HEPH: variants seen among roughly 807,000 people sequenced by gnomAD.
HEPH encodes hephaestin.
A neutral mutation model predicts 80.8 loss-of-function variants in HEPH; 69 were observed. That is an observed-to-expected ratio of 0.85 (90% confidence interval 0.70 to 1.04). The LOEUF (loss-of-function observed/expected upper bound fraction) is 1.04. Among genes scored for constraint, HEPH ranks in the 50% least tolerant of loss-of-function variants. The pLI, the probability that HEPH is intolerant of heterozygous loss-of-function variation, is 0.00. For missense variants in HEPH, 1,115 were observed against 891.3 expected, an observed-to-expected ratio of 1.25 and a Z score of -3.20; for synonymous variants, 431 against 322.8, an observed-to-expected ratio of 1.34 and a Z score of -3.60.
rs140815657 is a variant in HEPH, at chrX:66,219,291, G to A, written c.2563+11045G>A. On this transcript the variant is annotated intron_variant, in intron 15 of 20. Coordinates refer to ENST00000343002, the MANE Select transcript of HEPH (RefSeq NM_001367233.3). ...ACTTTCCAAACATGGCCCCAGGATC[G>A]AATCCATGCCACACTTGCACGGGCA... 2.1e-3 allele frequency among the ~76,000 whole-genome samples: 236 copies of A among 111,768 alleles called. 1 individual carries two copies. Among genetic ancestry groups the A allele is most frequent in the Non-Finnish European group, 3.0e-3 (160 of 53,102 alleles).
Position 66,205,006 on chromosome X carries a change from A to C in HEPH, c.2291+1429A>C, listed in dbSNP as rs1272988270. ...GTGCAATGCTACATTTTAGAATATA[A>C]ATGATCCTGTCATCCAGGTAGTGAG... On this transcript the variant is annotated intron_variant, in intron 13 of 20. Transcript: ENST00000343002. Among the ~76,000 whole-genome samples the C allele has an allele frequency of 2.7e-5, 3 of 111,838 alleles. No individual in the cohort carries two copies. In the East Asian group the frequency reaches 8.4e-4, roughly 31 times the overall value.
At chrX:66,256,439 G>T in intron 17 of HEPH, 109 bp downstream of exon 17, 1 of 533,105 alleles carries the variant, frequency 1.9e-6, no homozygotes. Context: ...GAGAGGACAC[G>T]AACATGGGAA....
intron 13 of HEPH, 109 bp from the exon 14 acceptor site, chrX:66,207,086 T>C: frequency 1.7e-6 from 1 of 601,472 alleles, no homozygotes; most frequent in Non-Finnish European, 2.4e-6. Context: ...CCCTTTTTTT[T>C]TTCTGTCTGT....
chrX:66,187,425 A>G (rs183485605), intron 4 of HEPH, among the ~76,000 whole-genome samples: 1 of 110,963 alleles, frequency 9.0e-6, no homozygotes, highest in East Asian at 2.8e-4. Context: ...TGTTCTTCAG[A>G]TTCTTTTGTC....
intron 15 of HEPH, among the ~76,000 whole-genome samples, chrX:66,244,170 A>G (rs2090714983): frequency 9.0e-6 from 1 of 111,572 alleles, no homozygotes; most frequent in Admixed American, 9.5e-5. Flanking sequence ...GTCATCTTGT[A>G]TAGTATCTTT....
intron 20 of HEPH, 113 bp downstream of exon 20, chrX:66,263,801 A>C: frequency 1.5e-6 from 1 of 686,418 alleles, no homozygotes; most frequent in Non-Finnish European, 2.2e-6. Context: ...AGAATACATC[A>C]GCAGAAAGTA....
At chrX:66,243,187 A>G (rs1299925520) in intron 15 of HEPH, among the ~76,000 whole-genome samples, 1 of 112,013 alleles carries the variant, frequency 8.9e-6, no homozygotes, top group Admixed American at 9.4e-5. Context: ...AGAAACATAG[A>G]TGGAACTGGA....
intron 1 of HEPH, among the ~76,000 whole-genome samples, chrX:66,167,498 G>C (rs1345009266): frequency 2.7e-5 from 3 of 112,221 alleles, no homozygotes; most frequent in African/African-American, 9.7e-5. Flanking sequence ...TGAGTTCAAG[G>C]CACAACTGCT....
chrX:66,241,514 G>C (rs766259227), intron 15 of HEPH, among the ~76,000 whole-genome samples: 22 of 111,144 alleles, frequency 2.0e-4, no homozygotes, highest in Admixed American at 4.8e-4. Flanking sequence ...GGCCAAACAG[G>C]GGTACTATAT....
At chrX:66,207,101 T>A in intron 13 of HEPH, 94 bp from the exon 14 acceptor site, 2 of 715,663 alleles carry the variant, frequency 2.8e-6, no homozygotes, top group East Asian at 4.5e-5. Flanking sequence ...GTCTGTGACA[T>A]GAAGCTGGTT....
intron 12 of HEPH, among the ~76,000 whole-genome samples, chrX:66,201,607 C>G (rs1229523586): frequency 9.0e-6 from 1 of 111,574 alleles, no homozygotes; most frequent in African/African-American, 3.3e-5. Context: ...TAAGAACAAC[C>G]TGTCAGCTCC....
intron 15 of HEPH, among the ~76,000 whole-genome samples, chrX:66,228,504 A>G (rs1320303827): frequency 8.8e-6 from 1 of 113,019 alleles, no homozygotes; most frequent in Non-Finnish European, 1.9e-5. Context: ...CCCAAAAACA[A>G]ATGTATCAAA....
intron 1 of HEPH, among the ~76,000 whole-genome samples, chrX:66,165,220 TATC>T (rs1349944429): frequency 3.6e-5 from 4 of 112,117 alleles, no homozygotes; most frequent in Non-Finnish European, 7.5e-5. Context: ...GTGAAAAAAA[TATC>T]ATCCCATTTT....
intron 4 of HEPH, among the ~76,000 whole-genome samples, chrX:66,175,456 G>GT (rs1015629309): frequency 2.9e-4 from 32 of 110,744 alleles, no homozygotes; most frequent in African/African-American, 4.9e-4. Context: ...CTCCAGATTT[G>GT]TTTTTTTTGC....
intron 18 of HEPH, among the ~76,000 whole-genome samples, 199 bp downstream of exon 18, chrX:66,259,178 C>T (rs746859298): frequency 4.5e-5 from 5 of 111,903 alleles, no homozygotes; most frequent in African/African-American, 6.5e-5. Context: ...CTAGCTTTCC[C>T]TTCTGATGTG....
At position 66,263,762 on chromosome X, in the gene HEPH, AG is replaced by A. The variant is rs1280104224; in HGVS notation, c.3244+77del. On this transcript the variant is annotated intron_variant, in intron 20 of 20. Coordinates refer to ENST00000343002, the MANE Select transcript of HEPH (RefSeq NM_001367233.3). ...GTATGAGGTTGGGTGAAGTACCTTT[AG>A]GGTATGGGACTTATGTGACTGAGAG... 4 of 976,204 alleles carry A rather than the reference AG, an allele frequency of 4.1e-6. No homozygotes were observed. The African/African-American group carries it at 7.7e-5, about 19-fold the overall frequency. 80.5% of individuals were successfully genotyped at this position (976,204 alleles called of 1,213,427 possible). A position where few individuals can be genotyped will look rare whatever the true frequency, so the allele number is the denominator to read the frequency against.
At position 66,208,000 on chromosome X, in the gene HEPH, T is replaced by G. The variant is rs193031834; in HGVS notation, c.2432-115T>G. On this transcript the variant is annotated intron_variant, in intron 14 of 20. Transcript: ENST00000343002. The stretch of plus-strand genomic sequence containing the variant: ...CCTTCTAGGTCTTAGAAGGATGTTT[T>G]GTCAGGGTAAACCACTAATTCTATG... 1.9e-4 allele frequency: 96 copies of G among 503,689 alleles called. 1 individual carries two copies. Among genetic ancestry groups the G allele is most frequent in the Non-Finnish European group, 2.7e-4 (88 of 323,838 alleles). 41.5% of individuals were successfully genotyped at this position (503,689 alleles called of 1,213,427 possible). A position where few individuals can be genotyped will look rare whatever the true frequency, so the allele number is the denominator to read the frequency against.
chrX:66,257,599 A>G (rs757887008), intron 17 of HEPH, among the ~76,000 whole-genome samples: 3 of 112,399 alleles, frequency 2.7e-5, no homozygotes, highest in African/African-American at 9.7e-5. Flanking sequence ...TGTCATTGAC[A>G]TAGATGGGCA....
chrX:66,164,033 A>G (rs1186978502), upstream of HEPH, among the ~76,000 whole-genome samples: 1 of 111,756 alleles, frequency 8.9e-6, no homozygotes, highest in Non-Finnish European at 1.9e-5. Flanking sequence ...CATTTCTTAA[A>G]TGGAGCTGTT....
Sources: allele counts gnomAD v4.1 joint callset (sites outside exome capture counted in the v4.1 genomes callset), GRCh38; gene constraint gnomAD v4.1.1; transcripts MANE v1.5; gene names NCBI Gene and HGNC (gene_info 2026-07-23, HGNC 2026-07-21).